The following SIM2 variants were observed in gnomAD, a reference collection of about 807,000 sequenced individuals.
The protein encoded by SIM2 is single-minded homolog 2.
SIM2 carries 28 observed loss-of-function variants against 64.8 expected under a neutral mutation model. The observed-to-expected ratio is 0.43, with a 90% CI of 0.32 to 0.59. The LOEUF (loss-of-function observed/expected upper bound fraction) is 0.59, where lower values mean the gene tolerates loss of function less well. SIM2 is among the 20% of genes least tolerant of loss of function. The pLI, the probability that SIM2 is intolerant of heterozygous loss-of-function variation, is 0.07. For synonymous variants in SIM2, 408 were observed against 391.1 expected (o/e 1.04, Z -0.51); for missense variants, 847 against 871.4 (o/e 0.97, Z 0.35).
chr21:36,741,707 G>C lies in SIM2; in HGVS notation c.851-10G>C, dbSNP rs2089161098. The C allele has an allele frequency of 1.2e-6, 2 of 1,612,068 alleles. No individual in the cohort carries two copies. The highest frequency in any genetic ancestry group is 2.7e-5 in the African/African-American group (2 of 75,032). On this transcript the variant is annotated splice_polypyrimidine_tract_variant and intron_variant, in intron 7 of 10. Transcript: ENST00000290399. Reference sequence around the variant, plus strand: ...AGCGTCTGAGGACTCCTGTCACCTTGTGCTTGCAGTGTTGGTGAAGGGCCA... The same window carrying C: ...AGCGTCTGAGGACTCCTGTCACCTTCTGCTTGCAGTGTTGGTGAAGGGCCA...
chr21:36,705,060 C>G (rs2088560382), intron 1 of SIM2, among the ~76,000 whole-genome samples: 1 of 152,186 alleles, frequency 6.6e-6, no homozygotes. Flanking sequence ...GAACCTGGCC[C>G]CAAACTCCCT....
At chr21:36,716,704 A>G (rs77765872) in intron 3 of SIM2, among the ~76,000 whole-genome samples, 4,829 of 152,346 alleles carry the variant, frequency 0.032, 247 homozygotes, top group African/African-American at 0.11. Flanking sequence ...CTTGGCAAGA[A>G]GAAAAGCTAT....
chr21:36,744,591 G>A, intron 9 of SIM2, 137 bp from the exon 10 acceptor site: 15 of 1,066,612 alleles, frequency 1.4e-5, no homozygotes, highest in Non-Finnish European at 1.8e-5. Flanking sequence ...TGTCCCCAGT[G>A]GGACCTTGCA....
intron 7 of SIM2, among the ~76,000 whole-genome samples, chr21:36,738,853 C>T (rs1006323525): frequency 7.9e-5 from 12 of 152,254 alleles, no homozygotes; most frequent in African/African-American, 1.7e-4. Context: ...TGATCTGAGT[C>T]GGCTGAGATG....
chr21:36,709,325 C>T (rs987072540), intron 2 of SIM2, 75 bp downstream of exon 2: 46 of 1,250,038 alleles, frequency 3.7e-5, no homozygotes, highest in Non-Finnish European at 5.0e-5. Context: ...AGCCTCCAGG[C>T]GTCCCTTCCC....
chr21:36,719,738 A>T (rs2070650), intron 3 of SIM2, 83 bp from the exon 4 acceptor site: 2 of 787,618 alleles, frequency 2.5e-6, no homozygotes, highest in Admixed American at 1.8e-5. Flanking sequence ...TGGCAGGGTG[A>T]GCACCTGTGA....
At position 36,748,159 on chromosome 21, in the gene SIM2, C is replaced by T; in HGVS notation, c.*67C>T. ...GGGGCTGCGGCGCCACCGAGCCCGG[C>T]AAATGCGCACGACCTACATTAATTT... On this transcript the variant is annotated 3_prime_UTR_variant, in exon 11 of 11. Coordinates refer to ENST00000290399, the MANE Select transcript of SIM2 (RefSeq NM_005069.6). 2.0e-5 allele frequency: 15 copies of T among 732,760 alleles called. No individual in the cohort carries two copies. The highest frequency in any genetic ancestry group is 2.6e-5 in the Non-Finnish European group (15 of 567,990). 45.4% of individuals were successfully genotyped at this position (732,760 alleles called of 1,614,324 possible).
intron 7 of SIM2, 96 bp downstream of exon 7, chr21:36,731,247 T>C: frequency 1.2e-6 from 1 of 807,174 alleles, no homozygotes; most frequent in Non-Finnish European, 2.0e-6. Flanking sequence ...GTTGGTGCAA[T>C]AATCATCCAT....
Position 36,747,646 on chromosome 21 carries a change from G to A in SIM2, c.1577-19G>A, listed in dbSNP as rs1381988118. 9.7e-6 allele frequency: 12 copies of A among 1,236,216 alleles called. No homozygotes were observed. In the East Asian group the frequency reaches 4.1e-4, roughly 42 times the overall value. 76.6% of individuals were successfully genotyped at this position (1,236,216 alleles called of 1,614,324 possible). ...GCCGCGCCCCTTGCTGCCCTCTAAC[G>A]TGTCGCCTGTCCCCGCAGCGCCCGC... is the stretch of plus-strand genomic sequence containing the variant. On this transcript the variant is annotated intron_variant, in intron 10 of 10. Coordinates refer to ENST00000290399, the MANE Select transcript of SIM2 (RefSeq NM_005069.6). The surrounding 1 kb of genome is among the most constrained non-coding windows in gnomAD (Gnocchi z 4.5).
intron 10 of SIM2, chr21:36,746,429 C>T (rs2089228279): frequency 6.6e-6 from 1 of 152,482 alleles, no homozygotes; most frequent in Non-Finnish European, 1.5e-5. Flanking sequence ...GCAGGTAGGG[C>T]TCTGCTCCTT....
intron 7 of SIM2, among the ~76,000 whole-genome samples, chr21:36,732,438 G>A (rs745677252): frequency 1.7e-4 from 26 of 152,214 alleles, no homozygotes; most frequent in Non-Finnish European, 3.5e-4. Context: ...CGGCAGGCCC[G>A]CAGGCCGCTA....
At chr21:36,719,467 G>A (rs188076623) in intron 3 of SIM2, among the ~76,000 whole-genome samples, 1 of 152,340 alleles carries the variant, frequency 6.6e-6, no homozygotes, top group African/African-American at 2.4e-5. Flanking sequence ...CCTGGCCTGG[G>A]TCTGTTTCAA....
At chr21:36,742,636 G>C (rs1318884620) in intron 8 of SIM2, among the ~76,000 whole-genome samples, 2 of 152,112 alleles carry the variant, frequency 1.3e-5, no homozygotes, top group Non-Finnish European at 2.9e-5. Context: ...ACCCACCATA[G>C]CTATTGTACG....
chr21:36,732,692 C>CATCTCTGT (rs925868137), intron 7 of SIM2, among the ~76,000 whole-genome samples: 2 of 152,186 alleles, frequency 1.3e-5, no homozygotes, highest in African/African-American at 2.4e-5. Flanking sequence ...ATCTCATAAC[C>CATCTCTGT]ATCTCTGTCA....
intron 7 of SIM2, among the ~76,000 whole-genome samples, chr21:36,738,372 G>T (rs936052391): frequency 1.3e-5 from 2 of 152,140 alleles, no homozygotes; most frequent in Admixed American, 6.5e-5. Flanking sequence ...GGGTGTGGTC[G>T]TGGGTGCCTG....
rs2088961738 is a variant in SIM2, at chr21:36,731,104, A to G, written c.803A>G (p.His268Arg). 1 of 1,613,936 alleles carries G rather than the reference A, an allele frequency of 6.2e-7. No individual in the cohort carries two copies. The highest frequency in any genetic ancestry group is 8.5e-7 in the Non-Finnish European group (1 of 1,180,030). ...CTGATCGAGAAGACCCTATACCATC[A>G]CGTGCACGGCTGCGACGTGTTCCAC... Reference protein sequence around the residue: ...QDLIEKTLYHHVHGCDVFHLR... With the variant: ...QDLIEKTLYHRVHGCDVFHLR... The change falls in exon 7 of 11, where the codon CAC (histidine) becomes CGC (arginine). Residue 268 changes from histidine (H) to arginine (R), a missense_variant. Physicochemically the swap from His to Arg is conservative, Grantham distance 29. Transcript: ENST00000290399.
chr21:36,747,813 C>T lies in SIM2; in HGVS notation c.1725C>T (p.Arg575=). 9.7e-7 allele frequency: 1 copy of T among 1,030,276 alleles called. No individual in the cohort carries two copies. The highest frequency in any genetic ancestry group is 1.2e-6 in the Non-Finnish European group (1 of 862,850). The allele number at this position is 1,030,276 out of a possible 1,614,324, so 63.8% of individuals were successfully genotyped here. A position where few individuals can be genotyped will look rare whatever the true frequency, so the allele number is the denominator to read the frequency against. ...ACGGGGCGCGGCTGGCGCTGGCCCG[C>T]GCGGCACCCGAGTGCTGCGCGCCCC... ...ARDGARLALA[R]AAPECCAPPT... Residue 575 remains arginine, a synonymous_variant, in exon 11 of 11, where the codon CGC becomes CGT. Coordinates refer to ENST00000290399, the MANE Select transcript of SIM2 (RefSeq NM_005069.6). The surrounding 1 kb of genome is among the most constrained non-coding windows in gnomAD (Gnocchi z 4.5).
chr21:36,722,070 C>T (rs1342649555), intron 4 of SIM2, among the ~76,000 whole-genome samples: 1 of 152,158 alleles, frequency 6.6e-6, no homozygotes, highest in Non-Finnish European at 1.5e-5. Flanking sequence ...TGAAATGACC[C>T]CCGTTGTTTT....
At chr21:36,714,095 G>T (rs141900074) in intron 3 of SIM2, among the ~76,000 whole-genome samples, 2 of 152,154 alleles carry the variant, frequency 1.3e-5, no homozygotes, top group African/African-American at 4.8e-5. Flanking sequence ...GGCAATGACC[G>T]CAATTACCTT....
Sources: gnomAD v4.1 joint callset for allele counts (sites outside exome capture counted in the v4.1 genomes callset) on GRCh38, gnomAD v4.1.1 for gene constraint, Gnocchi (gnomAD v3.1) non-coding constraint, MANE v1.5 for transcripts, NCBI Gene and HGNC (gene_info 2026-07-23, HGNC 2026-07-21) for gene names.